Variants in MARCHF5 observed in about 807,000 individuals in gnomAD.
MARCHF5 encodes the protein E3 ubiquitin-protein ligase MARCHF5.
A neutral mutation model predicts 36.5 loss-of-function variants in MARCHF5; 5 were observed. The ratio of observed to expected loss-of-function variants is 0.14; its 90% CI spans 0.07 to 0.29. MARCHF5 has a LOEUF of 0.29. MARCHF5 is among the 10% of genes least tolerant of loss of function. The pLI, the probability that MARCHF5 is intolerant of heterozygous loss-of-function variation, is 1.00. For synonymous variants in MARCHF5, 103 were observed against 109.9 expected (o/e 0.94, Z 0.39); for missense variants, 179 against 336.3 (o/e 0.53, Z 3.66).
intron 1 of MARCHF5, among the ~76,000 whole-genome samples, chr10:92,298,916 G>T (rs1842978941): frequency 6.6e-6 from 1 of 151,856 alleles, no homozygotes; most frequent in Admixed American, 6.6e-5. Context: ...TGCACTCCCA[G>T]GCTCAAGCCT....
chr10:92,347,065 C>T (rs1490756512), intron 3 of MARCHF5, among the ~76,000 whole-genome samples: 2 of 152,088 alleles, frequency 1.3e-5, no homozygotes, highest in African/African-American at 4.8e-5. Context: ...ATTTCTTAGC[C>T]AGACGTGGTG....
chr10:92,291,620 C>A, intron 1 of MARCHF5, 91 bp downstream of exon 1: 1 of 1,428,974 alleles, frequency 7.0e-7, no homozygotes, highest in Non-Finnish European at 9.1e-7. Flanking sequence ...GAGCAGAACC[C>A]GGCGTGCCGG....
intron 2 of MARCHF5, among the ~76,000 whole-genome samples, chr10:92,324,698 T>A (rs560991468): frequency 1.3e-5 from 2 of 152,318 alleles, no homozygotes; most frequent in Admixed American, 6.5e-5. Context: ...TGGGTTTTCA[T>A]TTATCTCAAA....
chr10:92,305,325 T>C (rs1363934591), intron 1 of MARCHF5, among the ~76,000 whole-genome samples: 3 of 151,906 alleles, frequency 2.0e-5, no homozygotes, highest in Non-Finnish European at 2.9e-5. Context: ...GAGATTTGCT[T>C]GAACCTGGAA....
chr10:92,292,221 G>A (rs1430933803), intron 1 of MARCHF5, among the ~76,000 whole-genome samples: 2 of 152,066 alleles, frequency 1.3e-5, no homozygotes, highest in African/African-American at 4.8e-5. Flanking sequence ...CATTCTTGGG[G>A]GGCCCCAGTC....
chr10:92,345,970 G>A (rs535426731), intron 3 of MARCHF5, among the ~76,000 whole-genome samples: 21 of 152,066 alleles, frequency 1.4e-4, no homozygotes, highest in Non-Finnish European at 2.6e-4. Flanking sequence ...GATTACAGGC[G>A]TGAGCCACTG....
chr10:92,335,912 C>T (rs530909001), intron 2 of MARCHF5, among the ~76,000 whole-genome samples: 1 of 152,324 alleles, frequency 6.6e-6, no homozygotes, highest in South Asian at 2.1e-4. Flanking sequence ...TATTGCTTTA[C>T]TCCATCAGTA....
chr10:92,337,205 T>G (rs1843512501), intron 2 of MARCHF5, among the ~76,000 whole-genome samples: 1 of 148,814 alleles, frequency 6.7e-6, no homozygotes, highest in African/African-American at 2.5e-5. Context: ...TTTGGTGGAG[T>G]GGGTTCAAAA....
chr10:92,321,156 T>C (rs1399245558), intron 2 of MARCHF5, among the ~76,000 whole-genome samples: 1 of 152,076 alleles, frequency 6.6e-6, no homozygotes, highest in Non-Finnish European at 1.5e-5. Context: ...GACTCTGTGA[T>C]GTGCACAAAA....
intron 2 of MARCHF5, among the ~76,000 whole-genome samples, chr10:92,322,803 T>C (rs1843306784): frequency 6.6e-6 from 1 of 150,706 alleles, no homozygotes; most frequent in Non-Finnish European, 1.5e-5. Context: ...AGTGGCATGA[T>C]CTCAGCTCAC....
At chr10:92,320,231 A>T (rs962233699) in intron 2 of MARCHF5, among the ~76,000 whole-genome samples, 9 of 144,512 alleles carry the variant, frequency 6.2e-5, no homozygotes, top group Admixed American at 2.1e-4. Flanking sequence ...TTTTTTTTTT[A>T]TTTTTTGTAG....
In MARCHF5 at chr10:92,291,305, C is replaced by CTT; in HGVS notation, c.-190_-189insTT. The CTT allele has an allele frequency of 5.2e-6, 3 of 576,006 alleles. No homozygotes were observed. The highest frequency in any genetic ancestry group is 9.0e-6 in the Non-Finnish European group (3 of 332,554). 35.7% of individuals were successfully genotyped at this position (576,006 alleles called of 1,614,324 possible). On this transcript the variant is annotated 5_prime_UTR_variant, in exon 1 of 6. The change creates a premature stop within an existing upstream ORF in the 5' untranslated region. Transcript: ENST00000358935. ...GGCTCCTCCTCCTCGCTCTCCGCCG[C>CTT]CTCCGCCGGACTCCCGCAGGCCCTG... is the stretch of plus-strand genomic sequence containing the variant.
chr10:92,345,102 T>C (rs1843625266), intron 3 of MARCHF5, among the ~76,000 whole-genome samples: 1 of 151,920 alleles, frequency 6.6e-6, no homozygotes, highest in South Asian at 2.1e-4. Context: ...TTTTTGCCTC[T>C]AGTGCAAAGA....
At chr10:92,340,043 C>A (rs890860926) in intron 2 of MARCHF5, among the ~76,000 whole-genome samples, 1 of 152,022 alleles carries the variant, frequency 6.6e-6, no homozygotes, top group African/African-American at 2.4e-5. Flanking sequence ...CCCTGGTTAC[C>A]TTTATGTACT....
Position 92,352,905 on chromosome 10 carries a change from A to G in MARCHF5, c.*1698A>G, listed in dbSNP as rs1843735188. ...AGATTATAGGCTGTAATTATAAAAT[A>G]TATTGGCTTTTGTTTTCAATGTGAA... On this transcript the variant is annotated 3_prime_UTR_variant, in exon 6 of 6. Coordinates refer to ENST00000358935, the MANE Select transcript of MARCHF5 (RefSeq NM_017824.5). The G allele has an allele frequency of 6.6e-6, 1 of 152,626 alleles. No individual in the cohort carries two copies. The highest frequency in any genetic ancestry group is 1.5e-5 in the Non-Finnish European group (1 of 68,032). 9.5% of individuals were successfully genotyped at this position (152,626 alleles called of 1,614,324 possible).
chr10:92,328,554 T>A (rs1023562802), intron 2 of MARCHF5, among the ~76,000 whole-genome samples: 1 of 151,640 alleles, frequency 6.6e-6, no homozygotes, highest in African/African-American at 2.4e-5. Flanking sequence ...TCTACCTAAG[T>A]GGTTATTCTT....
intron 2 of MARCHF5, among the ~76,000 whole-genome samples, chr10:92,330,763 A>G (rs564942798): frequency 6.6e-6 from 1 of 152,372 alleles, no homozygotes; most frequent in African/African-American, 2.4e-5. Flanking sequence ...TAAGAGCTTC[A>G]TATGAATTAT....
rs1361386067 is a variant in MARCHF5 at position 92,291,434 on chromosome 10, C to CCCTGGG, written c.-55_-50dup. The CCCTGGG allele has an allele frequency of 7.0e-7, 1 of 1,424,710 alleles. No homozygotes were observed. The highest frequency in any genetic ancestry group is 9.7e-7 in the Non-Finnish European group (1 of 1,033,390). 88.3% of individuals were successfully genotyped at this position (1,424,710 alleles called of 1,614,324 possible). On this transcript the variant is annotated 5_prime_UTR_variant, in exon 1 of 6. Transcript: ENST00000358935. The stretch of plus-strand genomic sequence containing the variant: ...CTCCGCCGCCTCTCAGTGCTATTGT[C>CCCTGGG]CCTGGGCCTGGCCTTGAGCGGGTCC...
chr10:92,299,599 C>G (rs182724638), intron 1 of MARCHF5, among the ~76,000 whole-genome samples: 23 of 152,282 alleles, frequency 1.5e-4, no homozygotes, highest in African/African-American at 4.8e-4. Flanking sequence ...AACCTTGTTG[C>G]ATTTATTATA....
Sources: allele counts gnomAD v4.1 joint callset (sites outside exome capture counted in the v4.1 genomes callset), GRCh38; gene constraint gnomAD v4.1.1; transcripts MANE v1.5; gene names NCBI Gene and HGNC (gene_info 2026-07-23, HGNC 2026-07-21).